Variants in GRM8 observed in about 807,000 individuals in gnomAD.
GRM8 encodes the protein glutamate metabotropic receptor 8.
In GRM8, 47 loss-of-function variants were observed where a neutral mutation model predicts 87.2. That is an observed-to-expected ratio of 0.54 (90% CI 0.43 to 0.69). The LOEUF is 0.69. GRM8 is among the 30% of genes least tolerant of loss of function. The probability of loss-of-function intolerance (pLI) is 0.00; values close to 1 mark genes in which losing one functional copy is unlikely to be tolerated. For synonymous variants in GRM8, 396 were observed against 404.5 expected, an observed-to-expected ratio of 0.98 and a Z score of 0.25; for missense variants, 1,019 against 1,139.2, an observed-to-expected ratio of 0.89 and a Z score of 1.52.
intron 8 of GRM8, among the ~76,000 whole-genome samples, chr7:126,535,761 T>G (rs1815609715): frequency 6.6e-6 from 1 of 152,066 alleles, no homozygotes; most frequent in Non-Finnish European, 1.5e-5. Flanking sequence ...AAGTCCCACC[T>G]CCAGAGCCAA....
intron 9 of GRM8, among the ~76,000 whole-genome samples, chr7:126,508,888 T>C (rs1332626326): frequency 1.3e-5 from 2 of 152,096 alleles, no homozygotes; most frequent in African/African-American, 2.4e-5. Flanking sequence ...TCAGTACTGT[T>C]AGTAGATCCA....
intron 7 of GRM8, among the ~76,000 whole-genome samples, chr7:126,705,866 A>G (rs1008539716): frequency 6.6e-6 from 1 of 152,128 alleles, no homozygotes; most frequent in South Asian, 2.1e-4. Flanking sequence ...AGAAACCAAG[A>G]GTTTTTTTAA....
Position 126,780,316 on chromosome 7 carries a change from C to T in GRM8, c.1157-10251G>A, listed in dbSNP as rs554393842. On this transcript the variant is annotated intron_variant, in intron 6 of 10. Coordinates refer to ENST00000339582, the MANE Select transcript of GRM8 (RefSeq NM_000845.3). ...AATGGGGATAACAATAATATCTCCC[C>T]CATAGGGTTGTTGTCATAATTAAAT... 8.5e-5 allele frequency among the ~76,000 whole-genome samples: 13 copies of T among 152,056 alleles called. 1 individual carries two copies. The South Asian group carries it at 2.7e-3, about 32-fold the overall frequency.
chr7:126,578,560 A>C (rs1013201768), intron 8 of GRM8, among the ~76,000 whole-genome samples: 4 of 152,108 alleles, frequency 2.6e-5, no homozygotes, highest in African/African-American at 9.7e-5. Context: ...TCTTCCACTC[A>C]ACATTTAGAG....
intron 7 of GRM8, among the ~76,000 whole-genome samples, chr7:126,736,933 T>G (rs1447615477): frequency 1.3e-5 from 2 of 152,102 alleles, no homozygotes; most frequent in Non-Finnish European, 2.9e-5. Context: ...GAAAGAGATC[T>G]GACCTAACGA....
chr7:127,133,375 G>A (rs1019345831), intron 2 of GRM8, among the ~76,000 whole-genome samples: 25 of 151,772 alleles, frequency 1.6e-4, no homozygotes, highest in Admixed American at 9.9e-4. Flanking sequence ...CTGAGGTCAC[G>A]CCATTGCACA....
chr7:126,764,755 A>G (rs1199988598), intron 7 of GRM8, among the ~76,000 whole-genome samples: 1 of 152,104 alleles, frequency 6.6e-6, no homozygotes, highest in Non-Finnish European at 1.5e-5. Context: ...TTGGTGTCAG[A>G]TAATTCAACC....
intron 2 of GRM8, among the ~76,000 whole-genome samples, chr7:127,200,716 C>T (rs17869253): frequency 0.012 from 1,838 of 152,324 alleles, 39 homozygotes; most frequent in African/African-American, 0.042. Context: ...ACATGGCTTT[C>T]GCCCCTGTGT....
intron 3 of GRM8, among the ~76,000 whole-genome samples, chr7:126,907,204 AGGAGGAGGAAGAGAT>A (rs1802782972): frequency 6.7e-6 from 1 of 148,794 alleles, no homozygotes; most frequent in Non-Finnish European, 1.5e-5. Context: ...AGCAGATGGA[AGGAGGAGGAAGAGAT>A]GGAGGAGGAG....
At chr7:126,704,284 C>T (rs1371037334) in intron 7 of GRM8, among the ~76,000 whole-genome samples, 1 of 152,156 alleles carries the variant, frequency 6.6e-6, no homozygotes, top group Non-Finnish European at 1.5e-5. Context: ...CTTATCACTT[C>T]CCCAATCAAT....
At chr7:126,966,202 T>C (rs956404419) in intron 3 of GRM8, among the ~76,000 whole-genome samples, 1 of 152,138 alleles carries the variant, frequency 6.6e-6, no homozygotes, top group Non-Finnish European at 1.5e-5. Context: ...TGGCATGATC[T>C]TGGTTCACTG....
intron 9 of GRM8, among the ~76,000 whole-genome samples, chr7:126,523,951 G>A (rs1321161848): frequency 2.0e-5 from 3 of 151,852 alleles, no homozygotes; most frequent in Non-Finnish European, 2.9e-5. Context: ...TTTGTTTCTA[G>A]ATTCCTTCTA....
At chr7:126,803,585 C>A (rs1177103928) in intron 6 of GRM8, among the ~76,000 whole-genome samples, 1 of 152,162 alleles carries the variant, frequency 6.6e-6, no homozygotes, top group African/African-American at 2.4e-5. Context: ...TCTTCCACAT[C>A]CTCAGAGATG....
At chr7:126,829,213 T>G (rs1160869828) in intron 6 of GRM8, among the ~76,000 whole-genome samples, 1 of 148,000 alleles carries the variant, frequency 6.8e-6, no homozygotes, top group African/African-American at 2.5e-5. Context: ...AGATGTCTAT[T>G]AGGTCTGCTT....
intron 3 of GRM8, among the ~76,000 whole-genome samples, chr7:126,908,336 G>T (rs1325661200): frequency 6.6e-6 from 1 of 152,168 alleles, no homozygotes; most frequent in Non-Finnish European, 1.5e-5. Flanking sequence ...AAGTCTAGAG[G>T]TAAGTTGAAG....
At chr7:126,584,229 T>TA (rs1376732301) in intron 8 of GRM8, among the ~76,000 whole-genome samples, 5 of 151,686 alleles carry the variant, frequency 3.3e-5, no homozygotes, top group East Asian at 1.9e-4. Context: ...AAAGATAACT[T>TA]TTTTTTTATT....
At chr7:127,109,112 G>C (rs1396342030) in intron 2 of GRM8, among the ~76,000 whole-genome samples, 1 of 152,090 alleles carries the variant, frequency 6.6e-6, no homozygotes, top group Non-Finnish European at 1.5e-5. Context: ...ATTTTTTAAA[G>C]ACCTGGAATG....
At chr7:126,609,712 T>C (rs1031830279) in intron 7 of GRM8, among the ~76,000 whole-genome samples, 3 of 152,208 alleles carry the variant, frequency 2.0e-5, no homozygotes, top group African/African-American at 7.2e-5. Context: ...TGCTTTATTG[T>C]ACATATTAGA....
intron 2 of GRM8, among the ~76,000 whole-genome samples, chr7:127,165,495 T>G (rs180785575): frequency 1.3e-5 from 2 of 152,116 alleles, no homozygotes; most frequent in Middle Eastern, 3.4e-3. Context: ...TCGTAAACCT[T>G]CAGCATGCAT....
Sources: allele counts gnomAD v4.1 joint callset (sites outside exome capture counted in the v4.1 genomes callset), GRCh38; gene constraint gnomAD v4.1.1; transcripts MANE v1.5; gene names NCBI Gene and HGNC (gene_info 2026-07-23, HGNC 2026-07-21).